The following MDGA2 variants were observed in gnomAD, a reference collection of about 807,000 sequenced individuals.
MDGA2 encodes the protein MAM domain-containing glycosylphosphatidylinositol anchor protein 2.
In MDGA2, 40 loss-of-function variants were observed where a neutral mutation model predicts 117.8. The observed-to-expected ratio is 0.34, with a 90% confidence interval of 0.26 to 0.44. The LOEUF is 0.44. MDGA2 is among the 20% of genes least tolerant of loss of function. The pLI is 1.00. For missense variants in MDGA2, 1,123 were observed against 1,250.6 expected, an observed-to-expected ratio of 0.90 and a Z score of 1.54; for synonymous variants, 452 against 439.0, an observed-to-expected ratio of 1.03 and a Z score of -0.37.
chr14:47,239,939 A>G (rs767653108), intron 2 of MDGA2, among the ~76,000 whole-genome samples: 28 of 151,778 alleles, frequency 1.8e-4, no homozygotes, highest in Admixed American at 3.3e-4. Context: ...CTTGAAACAT[A>G]TTGTGCACAT....
rs1481023804 is a variant in MDGA2 at position 46,890,192 on chromosome 14, T to C, written c.2239-7971A>G. Reference sequence around the variant, plus strand: ...AAATACTAGGTTTTCAAGGCTACTGTTTTTGCTTGGACTTTATACAATCTA... The same window carrying C: ...AAATACTAGGTTTTCAAGGCTACTGCTTTTGCTTGGACTTTATACAATCTA... On this transcript the variant is annotated intron_variant, in intron 10 of 16. Coordinates refer to ENST00000399232, the MANE Select transcript of MDGA2 (RefSeq NM_001113498.3). Among the ~76,000 whole-genome samples the C allele has an allele frequency of 2.6e-5, 4 of 152,040 alleles. No homozygotes were observed. The East Asian group carries it at 5.8e-4, about 22-fold the overall frequency.
chr14:46,866,652 G>A (rs1396732567), intron 14 of MDGA2, among the ~76,000 whole-genome samples: 16 of 151,310 alleles, frequency 1.1e-4, no homozygotes, highest in Middle Eastern at 3.2e-3. Flanking sequence ...TCTGACAAAG[G>A]GCTAATATCC....
chr14:47,383,197 C>T (rs1226117150), intron 1 of MDGA2, among the ~76,000 whole-genome samples: 2 of 151,570 alleles, frequency 1.3e-5, no homozygotes, highest in South Asian at 4.2e-4. Context: ...CACACCGGAG[C>T]CTGTCAGGGG....
At position 47,407,623 on chromosome 14, in the gene MDGA2, A is replaced by G. The variant is rs142421728; in HGVS notation, c.281-106073T>C. Among the ~76,000 whole-genome samples, 980 of 152,290 alleles carry G rather than the reference A, an allele frequency of 6.4e-3. 10 individuals carry two copies. Among genetic ancestry groups the G allele is most frequent in the African/African-American group, 0.021 (856 of 41,576 alleles). Reference sequence around the variant, plus strand: ...TTCTTAGAGAAGGATATGGGAATGCATTTATGTAATCAGATTTAACCTAAA... The same window carrying G: ...TTCTTAGAGAAGGATATGGGAATGCGTTTATGTAATCAGATTTAACCTAAA... On this transcript the variant is annotated intron_variant, in intron 1 of 16. Coordinates refer to ENST00000399232, the MANE Select transcript of MDGA2 (RefSeq NM_001113498.3).
chr14:47,662,545 T>G (rs1035062177), intron 1 of MDGA2, among the ~76,000 whole-genome samples: 2 of 152,060 alleles, frequency 1.3e-5, no homozygotes, highest in Non-Finnish European at 2.9e-5. Context: ...AAAGTAAAAC[T>G]GAAACACTGT....
At chr14:47,166,008 C>T (rs1883856753) in intron 3 of MDGA2, among the ~76,000 whole-genome samples, 1 of 149,988 alleles carries the variant, frequency 6.7e-6, no homozygotes. Context: ...TTTGATTTAT[C>T]CCATTTTATA....
chr14:47,547,839 T>C (rs1007625869), intron 1 of MDGA2, among the ~76,000 whole-genome samples: 2 of 152,202 alleles, frequency 1.3e-5, no homozygotes, highest in Admixed American at 1.3e-4. Flanking sequence ...ATAAAAATTA[T>C]ATCCCTAGGT....
chr14:47,272,004 T>C (rs1888160607), intron 2 of MDGA2, among the ~76,000 whole-genome samples: 1 of 152,156 alleles, frequency 6.6e-6, no homozygotes, highest in Non-Finnish European at 1.5e-5. Flanking sequence ...TTCCTTTACA[T>C]GCTATTATTT....
In MDGA2 at chr14:47,199,219, C is replaced by CAT. The variant is rs528840525; in HGVS notation, c.595+18800_595+18801dup. Reference sequence around the variant, plus strand: ...TCTCTCTCTCTATACATATATATGTCATATATATAATTTGAAATAGTATTT... The same window carrying CAT: ...TCTCTCTCTCTATACATATATATGTCATATATATATAATTTGAAATAGTATTT... On this transcript the variant is annotated intron_variant, in intron 3 of 16. Coordinates refer to ENST00000399232, the MANE Select transcript of MDGA2 (RefSeq NM_001113498.3). Among the ~76,000 whole-genome samples the CAT allele has an allele frequency of 1.0e-3, 158 of 151,912 alleles. 3 individuals carry two copies. The South Asian group carries it at 0.031, about 30-fold the overall frequency.
chr14:46,938,430 T>A (rs1267125932), intron 9 of MDGA2, among the ~76,000 whole-genome samples: 1 of 148,698 alleles, frequency 6.7e-6, no homozygotes, highest in Admixed American at 6.7e-5. Flanking sequence ...TCCCAGCTAC[T>A]CGGGAGGGCT....
chr14:47,283,079 A>C (rs1431789959), intron 2 of MDGA2, among the ~76,000 whole-genome samples: 1 of 152,236 alleles, frequency 6.6e-6, no homozygotes, highest in African/African-American at 2.4e-5. Context: ...TTACATTATT[A>C]TGCTTATGGC....
In MDGA2 at chr14:47,247,318, T is replaced by C. The variant is rs568994651; in HGVS notation, c.421-29123A>G. On this transcript the variant is annotated intron_variant, in intron 2 of 16. Transcript: ENST00000399232. ...GATATAGTTTCATATTTTTTTTTTT[T>C]TTTTGAGACAGGGTCTCACTGTGTC... 4.6e-5 allele frequency among the ~76,000 whole-genome samples: 7 copies of C among 151,322 alleles called. 1 individual carries two copies. Among genetic ancestry groups the C allele is most frequent in the African/African-American group, 9.7e-5 (4 of 41,302 alleles).
intron 3 of MDGA2, among the ~76,000 whole-genome samples, chr14:47,163,219 A>T (rs1407631698): frequency 6.6e-6 from 1 of 152,194 alleles, no homozygotes; most frequent in Non-Finnish European, 1.5e-5. Flanking sequence ...GAAGAACTGG[A>T]GACAATCTCC....
intron 2 of MDGA2, among the ~76,000 whole-genome samples, chr14:47,257,490 T>C (rs1887661533): frequency 6.6e-6 from 1 of 152,136 alleles, no homozygotes; most frequent in Non-Finnish European, 1.5e-5. Flanking sequence ...ACTACTCTTA[T>C]ATTTTATTAT....
At chr14:47,044,536 T>A (rs1366286303) in intron 7 of MDGA2, among the ~76,000 whole-genome samples, 3 of 152,158 alleles carry the variant, frequency 2.0e-5, no homozygotes, top group African/African-American at 7.2e-5. Context: ...AACAAGCATT[T>A]ATAAATATGT....
intron 1 of MDGA2, among the ~76,000 whole-genome samples, chr14:47,640,673 G>A (rs1897406731): frequency 6.6e-6 from 1 of 152,030 alleles, no homozygotes. Context: ...TCCAATAGTT[G>A]TCCCACTTCT....
intron 8 of MDGA2, among the ~76,000 whole-genome samples, chr14:47,019,822 G>A (rs61992812): frequency 6.9e-6 from 1 of 145,296 alleles, no homozygotes; most frequent in African/African-American, 2.6e-5. Context: ...CGGGGCGACA[G>A]AGCGAGAGTC....
intron 8 of MDGA2, among the ~76,000 whole-genome samples, chr14:47,025,617 G>T (rs545155094): frequency 1.3e-4 from 20 of 151,952 alleles, no homozygotes; most frequent in African/African-American, 3.9e-4. Flanking sequence ...ATGACATAGG[G>T]GAGAAGGACA....
At chr14:47,225,039 A>T (rs1886434849) in intron 2 of MDGA2, among the ~76,000 whole-genome samples, 1 of 152,242 alleles carries the variant, frequency 6.6e-6, no homozygotes, top group Non-Finnish European at 1.5e-5. Flanking sequence ...TTATAAAAAA[A>T]GAACCACAAT....
Sources: allele counts gnomAD v4.1 joint callset (sites outside exome capture counted in the v4.1 genomes callset), GRCh38; gene constraint gnomAD v4.1.1; transcripts MANE v1.5; gene names NCBI Gene and HGNC (gene_info 2026-07-23, HGNC 2026-07-21).